The following BTNL9 variants were observed in gnomAD, a reference collection of about 807,000 sequenced individuals.
BTNL9 encodes butyrophilin like 9.
Under a neutral mutation model 45.8 loss-of-function variants are expected in BTNL9, and 45 were observed. The ratio of observed to expected loss-of-function variants is 0.98; its 90% CI spans 0.77 to 1.26. The LOEUF is 1.26. Ranked by LOEUF, BTNL9 falls within the 50% of genes most tolerant of loss-of-function variation. The pLI, the probability that BTNL9 is intolerant of heterozygous loss-of-function variation, is 0.00. For missense variants in BTNL9, 784 were observed against 729.7 expected (o/e 1.07, Z -0.86); for synonymous variants, 346 against 330.8 (o/e 1.05, Z -0.50).
chr5:181,059,344 C>T lies in BTNL9; in HGVS notation c.1090C>T (p.Pro364Ser). The T allele has an allele frequency of 6.5e-7, 1 of 1,544,912 alleles. No homozygotes were observed. Among genetic ancestry groups the T allele is most frequent in the Non-Finnish European group, 8.7e-7 (1 of 1,148,120 alleles). ...GCCGCCAGGCCCGGCGCCTGGCCAC[C>T]CGCAGCGGTTCTCGGAGCAGACGTG... is the stretch of plus-strand genomic sequence containing the variant. ...GAPPGPAPGH[P>S]QRFSEQTCAL... Residue 364 changes from proline to serine, a missense_variant, in exon 11 of 11, where the codon CCG becomes TCG. By Grantham distance (74) the Pro-to-Ser change is moderately conservative. Coordinates refer to ENST00000327705, the MANE Select transcript of BTNL9 (RefSeq NM_152547.5).
Position 181,055,740 on chromosome 5 carries a change from G to T in BTNL9, c.929-249G>T. ...GCCGAGATGGCGCCACTGCACTCCA[G>T]CCTGGGCGACAGAGCGAGACTCTGT... On this transcript the variant is annotated intron_variant, in intron 8 of 10. Coordinates refer to ENST00000327705, the MANE Select transcript of BTNL9 (RefSeq NM_152547.5). This position sits in a 1 kb window ranked among gnomAD's most constrained non-coding sequence, Gnocchi z 4.4. The T allele has an allele frequency of 1.4e-6, 1 of 704,316 alleles. No homozygotes were observed. 43.6% of individuals were successfully genotyped at this position (704,316 alleles called of 1,614,324 possible).
intron 4 of BTNL9, among the ~76,000 whole-genome samples, chr5:181,051,737 AAG>A (rs1261431794): frequency 8.2e-6 from 1 of 121,254 alleles, no homozygotes; most frequent in Admixed American, 8.4e-5. Flanking sequence ...AAAATGAACT[AAG>A]AGAGGGGAAG....
chr5:181,058,994 G>A (rs1229544088), intron 10 of BTNL9, among the ~76,000 whole-genome samples: 2 of 152,118 alleles, frequency 1.3e-5, no homozygotes, highest in African/African-American at 4.8e-5. Context: ...TCTCTGGTAT[G>A]GAATTCAGGG....
chr5:181,045,140 G>A (rs959086616), intron 1 of BTNL9, among the ~76,000 whole-genome samples: 171 of 152,174 alleles, frequency 1.1e-3, no homozygotes, highest in African/African-American at 3.8e-3. Flanking sequence ...AAGGGGGGGC[G>A]CTGAGCCCCC....
Position 181,055,118 on chromosome 5 carries a change from G to A in BTNL9, c.908-315G>A, listed in dbSNP as rs1271815926. 5 of 1,161,356 alleles carry A rather than the reference G, an allele frequency of 4.3e-6. No individual in the cohort carries two copies. Among genetic ancestry groups the A allele is most frequent in the East Asian group, 4.2e-5 (1 of 23,574 alleles). The allele number at this position is 1,161,356 out of a possible 1,614,324, so 71.9% of individuals were successfully genotyped here. ...GCACTTAGGCGGGAGCTCCGCCCCA[G>A]GAAGCTTGTGATTTCAGGCAGAAGG... is the stretch of plus-strand genomic sequence containing the variant. On this transcript the variant is annotated intron_variant, in intron 7 of 10. Transcript: ENST00000327705. The surrounding 1 kb of genome is among the most constrained non-coding windows in gnomAD (Gnocchi z 4.4).
In BTNL9 at chr5:181,053,489, G is replaced by T; in HGVS notation, c.874G>T (p.Glu292Ter). ...RSREKLRKQA[E>*]KRQEKLTAEL... Reference sequence around the variant, plus strand: ...TTCAGAAAAGCTGAGGAAGCAGGCGGAGAAGAGACAAGGTGAGCGGGGACA... The same window carrying T: ...TTCAGAAAAGCTGAGGAAGCAGGCGTAGAAGAGACAAGGTGAGCGGGGACA... The change falls in exon 6 of 11, where the codon GAG becomes TAG. Residue 292 changes from glutamate to a stop codon, truncating the protein, a stop_gained. Transcript: ENST00000327705. LOFTEE classifies it high-confidence loss of function. The surrounding 1 kb of genome is among the most constrained non-coding windows in gnomAD (Gnocchi z 6.5). The T allele has an allele frequency of 6.3e-7, 1 of 1,579,106 alleles. No homozygotes were observed.
intron 4 of BTNL9, among the ~76,000 whole-genome samples, chr5:181,051,368 A>G (rs1761530512): frequency 6.6e-6 from 1 of 151,000 alleles, no homozygotes; most frequent in Admixed American, 6.6e-5. Context: ...ATTATAACAG[A>G]AAAAAACTCC....
chr5:181,049,652 CAAAAT>C (rs1761426201), intron 3 of BTNL9, among the ~76,000 whole-genome samples: 1 of 152,122 alleles, frequency 6.6e-6, no homozygotes, highest in South Asian at 2.1e-4. Context: ...TTTGCATACT[CAAAAT>C]ATAATGCTAG....
chr5:181,052,461 G>A (rs1761593487), intron 4 of BTNL9, among the ~76,000 whole-genome samples: 1 of 152,228 alleles, frequency 6.6e-6, no homozygotes, highest in African/African-American at 2.4e-5. Context: ...CTTAAAAATG[G>A]TTAAGATGGG....
rs369813059 is a variant in BTNL9 at position 181,050,364 on chromosome 5, T to C, written c.731T>C (p.Ile244Thr). ...LSQKKELVVQ[I>T]ADVFVPGASA... Reference sequence around the variant, plus strand: ...CAGAAGAAAGAGTTGGTGGTCCAGATAGCAGGTCAGTGGCTGTTAGCTCAC... The same window carrying C: ...CAGAAGAAAGAGTTGGTGGTCCAGACAGCAGGTCAGTGGCTGTTAGCTCAC... Residue 244 changes from isoleucine (I) to threonine (T), a missense_variant, in exon 4 of 11, where the codon ATA becomes ACA. By Grantham distance (89) the Ile-to-Thr change is moderately conservative. Transcript: ENST00000327705. The surrounding 1 kb of genome is among the most constrained non-coding windows in gnomAD (Gnocchi z 4.9). 6.2e-5 allele frequency: 100 copies of C among 1,613,786 alleles called. No homozygotes were observed. Among genetic ancestry groups the C allele is most frequent in the Non-Finnish European group, 8.1e-5 (96 of 1,179,934 alleles).
rs56137157 is a variant in BTNL9 at position 181,053,118 on chromosome 5, C to T, written c.737-82C>T. The T allele has an allele frequency of 9.7e-6, 12 of 1,241,192 alleles. No homozygotes were observed. Among genetic ancestry groups the T allele is most frequent in the African/African-American group, 1.6e-5 (1 of 63,144 alleles). The allele number at this position is 1,241,192 out of a possible 1,614,324, so 76.9% of individuals were successfully genotyped here. ...GGAGAAGGTCCCGCGGGAGGTTTCC[C>T]GGCACGCGGCGGGCAGGCCGGTCTC... On this transcript the variant is annotated intron_variant, in intron 4 of 10. Coordinates refer to ENST00000327705, the MANE Select transcript of BTNL9 (RefSeq NM_152547.5). The surrounding 1 kb of genome is among the most constrained non-coding windows in gnomAD (Gnocchi z 6.5).
In BTNL9 at chr5:181,050,920, C is replaced by T. The variant is rs1397026917; in HGVS notation, c.736+551C>T. 6.6e-6 allele frequency among the ~76,000 whole-genome samples: 1 copy of T among 151,940 alleles called. No individual in the cohort carries two copies. The highest frequency in any genetic ancestry group is 1.5e-5 in the Non-Finnish European group (1 of 67,986). Reference sequence around the variant, plus strand: ...TGGCCAAGATGGTGAATCCCCATCTCTACTAAAATTACAAAAATTAGCCCG... The same window carrying T: ...TGGCCAAGATGGTGAATCCCCATCTTTACTAAAATTACAAAAATTAGCCCG... On this transcript the variant is annotated intron_variant, in intron 4 of 10. Coordinates refer to ENST00000327705, the MANE Select transcript of BTNL9 (RefSeq NM_152547.5). This position sits in a 1 kb window ranked among gnomAD's most constrained non-coding sequence, Gnocchi z 4.9.
chr5:181,056,849 C>G, intron 9 of BTNL9: 1 of 496,558 alleles, frequency 2.0e-6, no homozygotes, highest in East Asian at 3.4e-5. Flanking sequence ...GCTCATTGTT[C>G]TTTAGGTTTG....
At position 181,059,625 on chromosome 5, in the gene BTNL9, C is replaced by T; in HGVS notation, c.1371C>T (p.Ala457=). The change falls in exon 11 of 11, where the codon GCC becomes GCT. Residue 457 remains alanine (A), a synonymous_variant. Coordinates refer to ENST00000327705, the MANE Select transcript of BTNL9 (RefSeq NM_152547.5). ...RRLGVFLDYE[A]GELSFFNVSD... is the part of the protein sequence containing the mutation. ...TGGGCGTCTTCCTGGACTACGAGGC[C>T]GGAGAGCTGTCCTTCTTCAACGTGT... The T allele has an allele frequency of 6.2e-7, 1 of 1,613,564 alleles. No individual in the cohort carries two copies. The highest frequency in any genetic ancestry group is 8.5e-7 in the Non-Finnish European group (1 of 1,179,942).
intron 3 of BTNL9, among the ~76,000 whole-genome samples, chr5:181,049,766 G>T (rs535242779): frequency 6.6e-6 from 1 of 152,342 alleles, no homozygotes; most frequent in Middle Eastern, 3.4e-3. Context: ...CTAATTATTA[G>T]AATTTAGGGT....
In BTNL9 at chr5:181,053,895, C is replaced by G; in HGVS notation, c.887-344C>G. 2 of 1,504,682 alleles carry G rather than the reference C, an allele frequency of 1.3e-6. No individual in the cohort carries two copies. The highest frequency in any genetic ancestry group is 1.8e-6 in the Non-Finnish European group (2 of 1,127,072). The allele number at this position is 1,504,682 out of a possible 1,614,324, so 93.2% of individuals were successfully genotyped here. On this transcript the variant is annotated intron_variant, in intron 6 of 10. Coordinates refer to ENST00000327705, the MANE Select transcript of BTNL9 (RefSeq NM_152547.5). The surrounding 1 kb of genome is among the most constrained non-coding windows in gnomAD (Gnocchi z 6.5). ...ATCTCCGCACAGGGTCAGGAAGCGG[C>G]GGTCAGGCACCGAGAAAACAGCCCA...
Position 181,059,619 on chromosome 5 carries a change from C to T in BTNL9, c.1365C>T (p.Tyr455=), listed in dbSNP as rs781572183. The change falls in exon 11 of 11, where the codon TAC becomes TAT. Residue 455 remains tyrosine (Y), a synonymous_variant. Transcript: ENST00000327705. ...GGCGCCTGGGCGTCTTCCTGGACTA[C>T]GAGGCCGGAGAGCTGTCCTTCTTCA... is the stretch of plus-strand genomic sequence containing the variant. ...PPRRLGVFLD[Y]EAGELSFFNV... The T allele has an allele frequency of 2.5e-6, 4 of 1,613,548 alleles. No individual in the cohort carries two copies. The Admixed American group carries it at 5.0e-5, about 20-fold the overall frequency.
At chr5:181,059,181 A>G in intron 10 of BTNL9, 56 bp from the exon 11 acceptor site, 6 of 1,426,622 alleles carry the variant, frequency 4.2e-6, no homozygotes, top group Non-Finnish European at 5.5e-6. Flanking sequence ...CTTGGGGAAG[A>G]CACGGACGGG....
chr5:181,047,460 A>G, intron 2 of BTNL9: 1 of 985,686 alleles, frequency 1.0e-6, no homozygotes, highest in Non-Finnish European at 1.2e-6. Flanking sequence ...ATGAGAAAAT[A>G]TCTATTCTCA....
Sources: allele counts gnomAD v4.1 joint callset (sites outside exome capture counted in the v4.1 genomes callset), GRCh38; gene constraint gnomAD v4.1.1; non-coding constraint Gnocchi (gnomAD v3.1); transcripts MANE v1.5; gene names NCBI Gene and HGNC (gene_info 2026-07-23, HGNC 2026-07-21).